The following DCX variants were observed in gnomAD, a reference collection of about 807,000 sequenced individuals.
DCX encodes the protein neuronal migration protein doublecortin.
In DCX, 4 loss-of-function variants were observed where a neutral mutation model predicts 20.9. The ratio of observed to expected loss-of-function variants is 0.19; its 90% CI spans 0.09 to 0.44. DCX has a LOEUF of 0.44. Among genes scored for constraint, DCX ranks in the 20% least tolerant of loss-of-function variants. The probability of loss-of-function intolerance (pLI) is 0.99; values close to 1 mark genes in which losing one functional copy is unlikely to be tolerated. For missense variants in DCX, 133 were observed against 296.9 expected (o/e 0.45, Z 4.06); for synonymous variants, 103 against 111.4 (o/e 0.92, Z 0.47).
intron 5 of DCX, among the ~76,000 whole-genome samples, chrX:111,329,892 C>G (rs1405704772): frequency 8.9e-6 from 1 of 112,255 alleles, no homozygotes. Flanking sequence ...TGCAAGAATT[C>G]TCATGATAAA....
intron 3 of DCX, among the ~76,000 whole-genome samples, chrX:111,358,948 G>T: frequency 9.0e-6 from 1 of 111,688 alleles, no homozygotes; most frequent in Non-Finnish European, 1.9e-5. Context: ...GAAAATAGAA[G>T]ATATTTTAAT....
At chrX:111,342,472 C>G (rs1424476341) in intron 3 of DCX, among the ~76,000 whole-genome samples, 2 of 99,451 alleles carry the variant, frequency 2.0e-5, no homozygotes, top group Non-Finnish European at 4.1e-5. Context: ...TAGTGGGAGA[C>G]TTTAACACCC....
At chrX:111,353,159 T>C (rs924603083) in intron 3 of DCX, among the ~76,000 whole-genome samples, 1 of 111,265 alleles carries the variant, frequency 9.0e-6, no homozygotes, top group Non-Finnish European at 1.9e-5. Flanking sequence ...CCAACTGCTG[T>C]TTTTCAAACA....
intron 5 of DCX, among the ~76,000 whole-genome samples, chrX:111,317,821 A>G (rs1198936845): frequency 2.7e-5 from 3 of 111,801 alleles, no homozygotes; most frequent in Non-Finnish European, 3.8e-5. Flanking sequence ...CATGCTTCAC[A>G]TCACTAATCA....
intron 2 of DCX, among the ~76,000 whole-genome samples, chrX:111,407,379 A>G (rs765598730): frequency 8.9e-6 from 1 of 112,092 alleles, no homozygotes; most frequent in Admixed American, 9.5e-5. Context: ...GCAGTTCTAA[A>G]ATATAAAATA....
intron 5 of DCX, among the ~76,000 whole-genome samples, chrX:111,312,946 A>G (rs1413928278): frequency 8.9e-6 from 1 of 111,936 alleles, no homozygotes; most frequent in Non-Finnish European, 1.9e-5. Flanking sequence ...ATGCAGTGCA[A>G]GGCCGTCATC....
At chrX:111,329,649 G>A (rs780610427) in intron 5 of DCX, among the ~76,000 whole-genome samples, 1 of 111,831 alleles carries the variant, frequency 8.9e-6, no homozygotes, top group Non-Finnish European at 1.9e-5. Context: ...GGCATTCCAG[G>A]TATGGGGGAA....
intron 3 of DCX, among the ~76,000 whole-genome samples, chrX:111,337,701 G>A (rs762097419): frequency 4.5e-5 from 5 of 112,040 alleles, no homozygotes; most frequent in Admixed American, 9.5e-5. Context: ...ATGTTTTCTC[G>A]AGAAGTAAGG....
chrX:111,389,984 C>T (rs1462147397), intron 3 of DCX, among the ~76,000 whole-genome samples: 2 of 111,899 alleles, frequency 1.8e-5, no homozygotes, highest in Non-Finnish European at 3.8e-5. Context: ...ATTAATGTTA[C>T]CAAATTAGTT....
chrX:111,302,503 T>A (rs1250737961), intron 6 of DCX, among the ~76,000 whole-genome samples: 1 of 112,168 alleles, frequency 8.9e-6, no homozygotes, highest in African/African-American at 3.2e-5. Context: ...GTAATTCCAT[T>A]TTCAGTTTTG....
intron 3 of DCX, among the ~76,000 whole-genome samples, chrX:111,394,735 C>G (rs1039592629): frequency 1.1e-4 from 12 of 111,726 alleles, no homozygotes; most frequent in African/African-American, 3.9e-4. Context: ...CTAACCACCC[C>G]CATTAGTAAT....
At chrX:111,401,940 A>G (rs1927824726) in intron 2 of DCX, among the ~76,000 whole-genome samples, 1 of 112,422 alleles carries the variant, frequency 8.9e-6, no homozygotes, top group African/African-American at 3.2e-5. Flanking sequence ...GTGTGTGCAT[A>G]TGTTGAATGT....
chrX:111,344,622 A>T lies in DCX; in HGVS notation c.706-11469T>A, dbSNP rs1255540696. On this transcript the variant is annotated intron_variant, in intron 3 of 6. Coordinates refer to ENST00000636035, the MANE Select transcript of DCX (RefSeq NM_001195553.2). ...AGACAAGCAGAGAACAAAATCATGA[A>T]TGAACTCCCACTCACAATCACTACA... Among the ~76,000 whole-genome samples the T allele has an allele frequency of 2.7e-5, 3 of 111,145 alleles. No individual in the cohort carries two copies. The Admixed American group carries it at 2.9e-4, about 11-fold the overall frequency.
At chrX:111,404,762 T>C (rs1322629285) in intron 2 of DCX, among the ~76,000 whole-genome samples, 3 of 112,675 alleles carry the variant, frequency 2.7e-5, no homozygotes, top group Non-Finnish European at 5.6e-5. Flanking sequence ...CCAAGGACTC[T>C]TCACTTCTGC....
At chrX:111,410,751 T>A (rs1159995650) in intron 1 of DCX, 1 of 1,206,551 alleles carries the variant, frequency 8.3e-7, no homozygotes, top group Admixed American at 2.2e-5. Flanking sequence ...TCCTGAGACT[T>A]ACTGACAGTG....
intron 3 of DCX, among the ~76,000 whole-genome samples, chrX:111,393,996 AC>A (rs1264172017): frequency 8.9e-6 from 1 of 111,847 alleles, no homozygotes; most frequent in Non-Finnish European, 1.9e-5. Context: ...TGAGATATTT[AC>A]CCGAGATAAA....
intron 3 of DCX, among the ~76,000 whole-genome samples, chrX:111,377,383 C>T (rs1925620275): frequency 9.0e-6 from 1 of 111,698 alleles, no homozygotes; most frequent in Non-Finnish European, 1.9e-5. Context: ...AGCAACCAGG[C>T]CTTGCAGCTG....
chrX:111,307,094 AC>A (rs2095047051), intron 6 of DCX, among the ~76,000 whole-genome samples: 1 of 110,477 alleles, frequency 9.1e-6, no homozygotes, highest in Non-Finnish European at 1.9e-5. Context: ...ATACTAAATT[AC>A]CTTAAAAACC....
intron 3 of DCX, among the ~76,000 whole-genome samples, chrX:111,375,906 G>A (rs1464401034): frequency 2.7e-5 from 3 of 112,137 alleles, no homozygotes; most frequent in Non-Finnish European, 5.6e-5. Flanking sequence ...TTCCTACGAA[G>A]ATTTCCAAGT....
Sources: gnomAD v4.1 joint callset for allele counts (sites outside exome capture counted in the v4.1 genomes callset) on GRCh38, gnomAD v4.1.1 for gene constraint, MANE v1.5 for transcripts, NCBI Gene and HGNC (gene_info 2026-07-23, HGNC 2026-07-21) for gene names.